CCDC138: variants seen among roughly 807,000 people sequenced by gnomAD.
CCDC138 encodes coiled-coil domain containing 138, also known as coiled-coil domain-containing protein 138.
A neutral mutation model predicts 82.3 loss-of-function variants in CCDC138; 66 were observed. That is an observed-to-expected ratio of 0.80 (90% CI 0.66 to 0.98). CCDC138 has a LOEUF of 0.98. Ranked by LOEUF, CCDC138 falls within the 50% of genes least tolerant of loss-of-function variation. The pLI is 0.00. For missense variants in CCDC138, 816 were observed against 758.9 expected (o/e 1.08, Z -0.88); for synonymous variants, 297 against 265.4 (o/e 1.12, Z -1.16).
chr2:108,794,545 T>C lies in CCDC138; in HGVS notation c.400T>C (p.Leu134=). The C allele has an allele frequency of 6.3e-7, 1 of 1,595,648 alleles. No homozygotes were observed. Among genetic ancestry groups the C allele is most frequent in the Non-Finnish European group, 8.5e-7 (1 of 1,171,042 alleles). Residue 134 remains leucine (L), a synonymous_variant, in exon 5 of 15, where the codon TTG becomes CTG. Coordinates refer to ENST00000295124, the MANE Select transcript of CCDC138 (RefSeq NM_144978.3). ...QSFKEIEKVA[L]PTNTTSSRPR... is the part of the protein sequence containing the mutation. ...AAATGTTATTTTCTTTGCAGTTGCC[T>C]TGCCAACTAATACGACCTCATCGAG...
In CCDC138 at chr2:108,875,317, A is replaced by T. The variant is rs867091025; in HGVS notation, c.1833-771A>T. ...ACATGTACCCTAAAACTTAAAGTAT[A>T]ATAAAAAAAAAAAAAAAAAGAAACA... On this transcript the variant is annotated intron_variant, in intron 14 of 14. Transcript: ENST00000295124. Among the ~76,000 whole-genome samples the T allele has an allele frequency of 3.0e-3, 118 of 39,482 alleles. 3 individuals are homozygous for T. Among genetic ancestry groups the T allele is most frequent in the African/African-American group, 5.5e-3 (111 of 20,080 alleles). The allele number at this position is 39,482 out of a possible 152,430, so 25.9% of individuals were successfully genotyped here.
chr2:108,823,485 A>G (rs72934037), intron 10 of CCDC138, among the ~76,000 whole-genome samples: 10,699 of 152,252 alleles, frequency 0.07, 1,277 homozygotes, highest in African/African-American at 0.24. Flanking sequence ...TTGTGCAAAC[A>G]TTGTAGAGTG....
chr2:108,876,300 A>G lies in CCDC138; in HGVS notation c.*47A>G. ...GTATATGTGGTGCTTATTTATAAAC[A>G]TGTAGAAATTACCAAAGTAACTACA... On this transcript the variant is annotated 3_prime_UTR_variant, in exon 15 of 15. Transcript: ENST00000295124. 1.9e-6 allele frequency: 2 copies of G among 1,078,170 alleles called. No individual in the cohort carries two copies. Among genetic ancestry groups the G allele is most frequent in the Non-Finnish European group, 2.6e-6 (2 of 768,674 alleles). 66.8% of individuals were successfully genotyped at this position (1,078,170 alleles called of 1,614,324 possible). A position where few individuals can be genotyped will look rare whatever the true frequency, so the allele number is the denominator to read the frequency against.
chr2:108,821,905 GC>G (rs1358184972), intron 10 of CCDC138, among the ~76,000 whole-genome samples: 2 of 139,354 alleles, frequency 1.4e-5, no homozygotes, highest in Non-Finnish European at 3.0e-5. Context: ...TCCAGCATGG[GC>G]AACAAGAGCG....
At chr2:108,796,591 G>T (rs1332562810) in intron 5 of CCDC138, among the ~76,000 whole-genome samples, 2 of 152,082 alleles carry the variant, frequency 1.3e-5, no homozygotes, top group Non-Finnish European at 2.9e-5. Flanking sequence ...GTGTCCATTG[G>T]CAGATAAAGA....
rs1680549679 is a variant in CCDC138 at position 108,794,646 on chromosome 2, A to G, written c.501A>G (p.Ser167=). Residue 167 remains serine (S), a synonymous_variant, in exon 5 of 15, where the codon TCA becomes TCG. Transcript: ENST00000295124. Reference sequence around the variant, plus strand: ...TCAGCTGTCCAAAATCTAAAGCATCAGACAAGCGGAGTTTACTTCCACATC... The same window carrying G: ...TCAGCTGTCCAAAATCTAAAGCATCGGACAAGCGGAGTTTACTTCCACATC... ...KPVSCPKSKA[S]DKRSLLPHQI... is the part of the protein sequence containing the mutation. 2.5e-6 allele frequency: 4 copies of G among 1,614,156 alleles called. No homozygotes were observed. In the East Asian group the frequency reaches 8.9e-5, roughly 36 times the overall value.
At chr2:108,884,694 T>A (rs1433890626) in intron 2 of CCDC138, 3 of 152,146 alleles carry the variant, frequency 2.0e-5, no homozygotes, top group Admixed American at 6.5e-5. Flanking sequence ...GCAGGTCCCC[T>A]TTTCGAGATT....
intron 6 of CCDC138, among the ~76,000 whole-genome samples, chr2:108,800,374 C>T (rs1681696829): frequency 6.6e-6 from 1 of 152,078 alleles, no homozygotes; most frequent in Non-Finnish European, 1.5e-5. Flanking sequence ...AAGCGATTCT[C>T]CTGCCTTAAT....
intron 14 of CCDC138, among the ~76,000 whole-genome samples, chr2:108,874,422 A>G (rs1695719769): frequency 6.6e-6 from 1 of 152,066 alleles, no homozygotes; most frequent in Non-Finnish European, 1.5e-5. Context: ...TTTAAGTTGT[A>G]TTTTCCGTGA....
At chr2:108,834,713 AT>A (rs1324404129) in intron 10 of CCDC138, among the ~76,000 whole-genome samples, 1 of 152,192 alleles carries the variant, frequency 6.6e-6, no homozygotes, top group Admixed American at 6.5e-5. Flanking sequence ...AGAATTTTTC[AT>A]TATCTGAAAC....
In CCDC138 at chr2:108,876,211, T is replaced by A; in HGVS notation, c.1956T>A (p.Gly652=). 1 of 1,613,104 alleles carries A rather than the reference T, an allele frequency of 6.2e-7. No individual in the cohort carries two copies. Among genetic ancestry groups the A allele is most frequent in the East Asian group, 2.2e-5 (1 of 44,792 alleles). The part of the protein sequence containing the change: ...INLNSTLFNL[G]LTKCNSLVSS... ...TAAATTCAACTCTGTTCAATCTGGG[T>A]TTAACAAAATGTAACTCCCTGGTCT... Residue 652 remains glycine, a synonymous_variant, in exon 15 of 15, where the codon GGT becomes GGA. Transcript: ENST00000295124.
At chr2:108,880,994 C>G (rs957710901), downstream of CCDC138, among the ~76,000 whole-genome samples, 1 of 152,148 alleles carries the variant, frequency 6.6e-6, no homozygotes, top group Non-Finnish European at 1.5e-5. Flanking sequence ...AGAGTTGATT[C>G]CAATACTCAC....
intron 7 of CCDC138, among the ~76,000 whole-genome samples, chr2:108,811,247 CT>C (rs55661786): frequency 5.4e-4 from 61 of 113,902 alleles, no homozygotes; most frequent in Admixed American, 1.1e-3. Flanking sequence ...TTCTCTCTCT[CT>C]TTTTTTTTTT....
At chr2:108,790,076 TTAAA>T (rs556422292) in intron 3 of CCDC138, among the ~76,000 whole-genome samples, 160 of 152,302 alleles carry the variant, frequency 1.1e-3, no homozygotes, top group African/African-American at 3.5e-3. Flanking sequence ...CTTTCTCTAC[TTAAA>T]TAAGTTAATC....
intron 12 of CCDC138, among the ~76,000 whole-genome samples, chr2:108,848,430 C>G (rs905570624): frequency 4.0e-5 from 6 of 151,878 alleles, no homozygotes; most frequent in African/African-American, 1.5e-4. Context: ...CGAGGGCTTT[C>G]AAAGAAATAT....
intron 1 of CCDC138, chr2:108,882,168 G>GA (rs1374814601): frequency 3.3e-5 from 5 of 149,676 alleles, no homozygotes; most frequent in Non-Finnish European, 5.9e-5. Context: ...AAAAAAAAAA[G>GA]AAAAAATAGA....
intron 11 of CCDC138, among the ~76,000 whole-genome samples, chr2:108,845,217 AT>A (rs939945142): frequency 7.9e-5 from 12 of 152,112 alleles, no homozygotes; most frequent in South Asian, 2.1e-4. Flanking sequence ...AAAAACATGT[AT>A]TTTTTTTCTA....
chr2:108,797,059 TTGACTTTGGAGCC>T (rs564871766), intron 5 of CCDC138, among the ~76,000 whole-genome samples: 55 of 152,228 alleles, frequency 3.6e-4, no homozygotes, highest in South Asian at 2.1e-3. Flanking sequence ...CTGTTTGGAC[TTGACTTTGGAGCC>T]TGTGAGAAAG....
At position 108,815,472 on chromosome 2, in the gene CCDC138, T is replaced by TG. The variant is rs1486956995; in HGVS notation, c.1042-469_1042-468insG. On this transcript the variant is annotated intron_variant, in intron 9 of 14. Coordinates refer to ENST00000295124, the MANE Select transcript of CCDC138 (RefSeq NM_144978.3). The stretch of plus-strand genomic sequence containing the variant: ...GGGAGGTTTTTGGTGTTTTTTTTTT[T>TG]TTTTTTTTTTTTGAGATGGAGTCTT... 1.0e-4 allele frequency among the ~76,000 whole-genome samples: 14 copies of TG among 138,696 alleles called. No homozygotes were observed. The East Asian group carries it at 2.1e-3, about 20-fold the overall frequency. 91.0% of individuals were successfully genotyped at this position (138,696 alleles called of 152,430 possible).
Sources: gnomAD v4.1 joint callset for allele counts (sites outside exome capture counted in the v4.1 genomes callset) on GRCh38, gnomAD v4.1.1 for gene constraint, MANE v1.5 for transcripts, NCBI Gene and HGNC (gene_info 2026-07-23, HGNC 2026-07-21) for gene names.